The following TYW1 variants were observed in gnomAD, a reference collection of about 807,000 sequenced individuals.
TYW1 encodes S-adenosyl-L-methionine-dependent tRNA 4-demethylwyosine synthase TYW1.
TYW1 carries 46 observed loss-of-function variants against 96.2 expected under a neutral mutation model. The observed-to-expected ratio is 0.48, with a 90% CI of 0.38 to 0.61. The LOEUF is 0.61. Ranked by LOEUF, TYW1 falls within the 20% of genes least tolerant of loss-of-function variation. The pLI is 0.00. For missense variants in TYW1, 684 were observed against 909.6 expected (o/e 0.75, Z 3.19); for synonymous variants, 274 against 323.0 (o/e 0.85, Z 1.63).
chr7:67,118,585 C>T (rs1456479091), intron 13 of TYW1, among the ~76,000 whole-genome samples: 1 of 151,760 alleles, frequency 6.6e-6, no homozygotes, highest in South Asian at 2.1e-4. Context: ...ACCGACTACA[C>T]GTAACCACCT....
intron 13 of TYW1, among the ~76,000 whole-genome samples, chr7:67,121,801 G>T (rs1351537121): frequency 6.6e-6 from 1 of 150,994 alleles, no homozygotes; most frequent in Non-Finnish European, 1.5e-5. Flanking sequence ...AGCATATTTT[G>T]TTTTTAACTC....
At chr7:67,091,347 A>G (rs1796712354) in intron 11 of TYW1, among the ~76,000 whole-genome samples, 1 of 143,774 alleles carries the variant, frequency 7.0e-6, no homozygotes, top group Non-Finnish European at 1.5e-5. Context: ...TCTCACTCAT[A>G]GGTGGGAACT....
intron 13 of TYW1, among the ~76,000 whole-genome samples, chr7:67,134,959 A>AG (rs1453282681): frequency 2.0e-3 from 298 of 150,730 alleles, no homozygotes; most frequent in Non-Finnish European, 3.4e-3. Context: ...AAAAAAAAAA[A>AG]AAAAAAAAAA....
intron 13 of TYW1, among the ~76,000 whole-genome samples, chr7:67,167,559 G>A (rs1373691140): frequency 3.4e-5 from 5 of 147,894 alleles, no homozygotes; most frequent in East Asian, 2.0e-4. Context: ...CCTTCCTTTC[G>A]CATTTTAAAG....
chr7:67,218,642 C>T (rs1295693599), intron 15 of TYW1, among the ~76,000 whole-genome samples: 1 of 152,144 alleles, frequency 6.6e-6, no homozygotes, highest in Non-Finnish European at 1.5e-5. Context: ...CATGAGCCAC[C>T]ACTCACTATG....
At chr7:67,137,786 G>A (rs34336997) in intron 13 of TYW1, among the ~76,000 whole-genome samples, 6 of 152,038 alleles carry the variant, frequency 3.9e-5, no homozygotes, top group East Asian at 3.9e-4. Flanking sequence ...CTATGAAGAC[G>A]CCCTGCATCA....
At chr7:67,198,029 G>C (rs1296161182) in intron 15 of TYW1, among the ~76,000 whole-genome samples, 1 of 148,032 alleles carries the variant, frequency 6.8e-6, no homozygotes, top group African/African-American at 2.5e-5. Context: ...TGTTGCATTG[G>C]TCATGGTCCT....
rs527579346 is a variant in TYW1, at chr7:67,002,970, C to A, written c.273+4016C>A. On this transcript the variant is annotated intron_variant, in intron 3 of 15. Coordinates refer to ENST00000359626, the MANE Select transcript of TYW1 (RefSeq NM_018264.4). ...ATTTTTAGTGGAGACGGGGTTTCTG[C>A]ATGTTGGCCAGGCTGGTCTCAAACT... Among the ~76,000 whole-genome samples, 8 of 151,256 alleles carry A rather than the reference C, an allele frequency of 5.3e-5. No individual in the cohort carries two copies. In the East Asian group the frequency reaches 9.8e-4, roughly 18 times the overall value.
intron 13 of TYW1, among the ~76,000 whole-genome samples, chr7:67,172,804 T>TAAAAAGTC (rs2064071075): frequency 6.6e-6 from 1 of 152,134 alleles, no homozygotes; most frequent in African/African-American, 2.4e-5. Flanking sequence ...CTATGTCTCT[T>TAAAAAGTC]CTTCCAGCTG....
At chr7:67,038,371 T>C (rs6949698) in intron 7 of TYW1, among the ~76,000 whole-genome samples, 47,601 of 151,770 alleles carry the variant, frequency 0.31, 7,767 homozygotes, top group African/African-American at 0.38. Flanking sequence ...TTTGGGAGGC[T>C]GAGGTGGGTG....
At position 67,005,941 on chromosome 7, in the gene TYW1, G is replaced by T. The variant is rs1459445810; in HGVS notation, c.274-3642G>T. On this transcript the variant is annotated intron_variant, in intron 3 of 15. Transcript: ENST00000359626. ...GCCTTTGCAGTTCACTGTTCCTGCCGCCTGGGATAACCTCATGGTTCTCCC... is the reference window on the plus strand; with the variant it reads ...GCCTTTGCAGTTCACTGTTCCTGCCTCCTGGGATAACCTCATGGTTCTCCC... 2.0e-5 allele frequency among the ~76,000 whole-genome samples: 3 copies of T among 151,844 alleles called. No individual in the cohort carries two copies. The East Asian group carries it at 5.8e-4, about 29-fold the overall frequency.
At chr7:67,225,953 C>A (rs1216609557) in intron 15 of TYW1, among the ~76,000 whole-genome samples, 1 of 150,970 alleles carries the variant, frequency 6.6e-6, no homozygotes, top group Non-Finnish European at 1.5e-5. Flanking sequence ...AATCACAAGT[C>A]TGCCCTTGTG....
intron 13 of TYW1, among the ~76,000 whole-genome samples, chr7:67,180,424 A>ATATATATATATATATATATT (rs1341437613): frequency 9.2e-4 from 75 of 81,870 alleles, no homozygotes; most frequent in Middle Eastern, 8.1e-3. Context: ...ATATATATAT[A>ATATATATATATATATATATT]ATTTTTTTTT....
intron 7 of TYW1, among the ~76,000 whole-genome samples, chr7:67,047,641 C>CTTT (rs201219287): frequency 1.4e-5 from 2 of 140,814 alleles, no homozygotes. Flanking sequence ...CTTAATGCGA[C>CTTT]TTTTTTTTTT....
chr7:67,147,657 ATAAG>A (rs1798650987), intron 13 of TYW1, among the ~76,000 whole-genome samples: 1 of 152,016 alleles, frequency 6.6e-6, no homozygotes, highest in Non-Finnish European at 1.5e-5. Context: ...GCTACCACTT[ATAAG>A]TGAGAGCATG....
chr7:67,092,349 A>G (rs531626437), intron 11 of TYW1, among the ~76,000 whole-genome samples: 1 of 151,948 alleles, frequency 6.6e-6, no homozygotes, highest in South Asian at 2.1e-4. Flanking sequence ...TCTGTTCTCA[A>G]CGGAGAACCC....
At chr7:67,013,739 CTTTTT>C (rs931500833) in intron 4 of TYW1, among the ~76,000 whole-genome samples, 3 of 97,512 alleles carry the variant, frequency 3.1e-5, no homozygotes, top group East Asian at 6.6e-4. Flanking sequence ...GCATTTTTTC[CTTTTT>C]TTTTTTTTTT....
intron 15 of TYW1, among the ~76,000 whole-genome samples, chr7:67,220,742 CTT>C (rs57839783): frequency 3.5e-5 from 5 of 144,782 alleles, no homozygotes; most frequent in Admixed American, 6.8e-5. Flanking sequence ...CTTTCTTTTT[CTT>C]TTTTTTTTTT....
At chr7:67,029,405 G>GTATATATATATATATATATATA (rs1277791560) in intron 7 of TYW1, among the ~76,000 whole-genome samples, 2 of 89,152 alleles carry the variant, frequency 2.2e-5, no homozygotes, top group Non-Finnish European at 4.6e-5. Context: ...GTGTGTGTGT[G>GTATATATATATATATATATATA]TGTGTGTGTG....
Sources: gnomAD v4.1 joint callset for allele counts (sites outside exome capture counted in the v4.1 genomes callset) on GRCh38, gnomAD v4.1.1 for gene constraint, MANE v1.5 for transcripts, NCBI Gene and HGNC (gene_info 2026-07-23, HGNC 2026-07-21) for gene names.